Variants in PCCA observed in about 807,000 individuals in gnomAD.
PCCA encodes propionyl-CoA carboxylase alpha chain, mitochondrial.
In PCCA, 74 loss-of-function variants were observed where a neutral mutation model predicts 101.3. The observed-to-expected ratio is 0.73, with a 90% CI of 0.61 to 0.89. PCCA has a LOEUF of 0.89. Among genes scored for constraint, PCCA ranks in the 40% least tolerant of loss-of-function variants. PCCA has a pLI of 0.00. For synonymous variants in PCCA, 294 were observed against 313.6 expected, an observed-to-expected ratio of 0.94 and a Z score of 0.66; for missense variants, 891 against 907.0, an observed-to-expected ratio of 0.98 and a Z score of 0.23.
intron 20 of PCCA, among the ~76,000 whole-genome samples, chr13:100,434,531 C>A (rs2079786632): frequency 6.6e-6 from 1 of 152,078 alleles, no homozygotes; most frequent in Non-Finnish European, 1.5e-5. Context: ...CCAAAGCTGG[C>A]CGGTAGCCCT....
chr13:100,391,420 G>A (rs913424287), intron 19 of PCCA, among the ~76,000 whole-genome samples: 2 of 152,266 alleles, frequency 1.3e-5, no homozygotes, highest in African/African-American at 2.4e-5. Flanking sequence ...GGAAGTACGT[G>A]GAATGTTGTT....
intron 8 of PCCA, among the ~76,000 whole-genome samples, chr13:100,255,898 A>G (rs1251556401): frequency 6.6e-6 from 1 of 152,106 alleles, no homozygotes; most frequent in Non-Finnish European, 1.5e-5. Context: ...CTGTACTTCA[A>G]CTGAATTGTT....
intron 4 of PCCA, among the ~76,000 whole-genome samples, chr13:100,125,287 C>G (rs1262661932): frequency 6.6e-6 from 1 of 152,146 alleles, no homozygotes; most frequent in Non-Finnish European, 1.5e-5. Context: ...AGAAATATTT[C>G]CAGACATTTA....
At chr13:100,339,837 G>A (rs2071035936) in intron 17 of PCCA, among the ~76,000 whole-genome samples, 1 of 152,168 alleles carries the variant, frequency 6.6e-6, no homozygotes, top group Admixed American at 6.5e-5. Context: ...CAGATGTGAG[G>A]AGCTTATGCT....
intron 6 of PCCA, among the ~76,000 whole-genome samples, chr13:100,189,355 G>A (rs1477573540): frequency 1.3e-5 from 2 of 152,176 alleles, no homozygotes; most frequent in African/African-American, 4.8e-5. Flanking sequence ...ACATACGTGT[G>A]CATGTGTGTT....
chr13:100,208,228 G>T (rs1371802657), intron 6 of PCCA, among the ~76,000 whole-genome samples: 1 of 152,076 alleles, frequency 6.6e-6, no homozygotes, highest in African/African-American at 2.4e-5. Context: ...TGCTCGGGGT[G>T]GGTTTAATCC....
At position 100,368,371 on chromosome 13, in the gene PCCA, A is replaced by T. The variant is rs9585419; in HGVS notation, c.1644-101A>T. ...TTTAAAATGTTCGCAAATACATTCA[A>T]TGGCAGTTTTAGCCTGTGCATTTTA... On this transcript the variant is annotated intron_variant, in intron 18 of 23. Coordinates refer to ENST00000376285, the MANE Select transcript of PCCA (RefSeq NM_000282.4). The T allele has an allele frequency of 9.4e-3, 6,540 of 693,794 alleles. 309 individuals carry two copies. The African/African-American group carries it at 0.11, about 11-fold the overall frequency. The allele number at this position is 693,794 out of a possible 1,614,324, so 43.0% of individuals were successfully genotyped here. A position where few individuals can be genotyped will look rare whatever the true frequency, so the allele number is the denominator to read the frequency against.
intron 6 of PCCA, among the ~76,000 whole-genome samples, chr13:100,188,907 C>CT (rs2057529127): frequency 6.6e-6 from 1 of 150,564 alleles, no homozygotes; most frequent in African/African-American, 2.5e-5. Flanking sequence ...TTAAATTATA[C>CT]TTTAAGTTCT....
intron 4 of PCCA, among the ~76,000 whole-genome samples, chr13:100,139,409 AT>A (rs1434370604): frequency 2.0e-5 from 3 of 151,296 alleles, no homozygotes; most frequent in Non-Finnish European, 4.4e-5. Context: ...TCTCTTGTTA[AT>A]TTTTTCTACT....
chr13:100,173,161 A>G (rs1184905942), intron 6 of PCCA, among the ~76,000 whole-genome samples: 1 of 152,228 alleles, frequency 6.6e-6, no homozygotes, highest in Non-Finnish European at 1.5e-5. Context: ...TGGGAAAAAC[A>G]GGCAGGAGAG....
chr13:100,132,360 G>A (rs1382305579), intron 4 of PCCA, among the ~76,000 whole-genome samples: 1 of 65,300 alleles, frequency 1.5e-5, no homozygotes, highest in Non-Finnish European at 3.2e-5. Context: ...CCCTGACACT[G>A]GCAACCACGG....
intron 22 of PCCA, among the ~76,000 whole-genome samples, chr13:100,524,934 ATAGAT>A (rs1250170118): frequency 5.3e-5 from 8 of 151,944 alleles, no homozygotes; most frequent in African/African-American, 1.2e-4. Context: ...GATAGATAAA[ATAGAT>A]TAGATAGGAT....
chr13:100,146,727 T>C (rs917195312), intron 4 of PCCA, among the ~76,000 whole-genome samples: 1 of 152,068 alleles, frequency 6.6e-6, no homozygotes, highest in African/African-American at 2.4e-5. Context: ...AGATAAATCA[T>C]GTTCAGTGAT....
intron 4 of PCCA, among the ~76,000 whole-genome samples, chr13:100,153,615 C>T (rs1266008549): frequency 6.6e-6 from 1 of 152,016 alleles, no homozygotes; most frequent in Non-Finnish European, 1.5e-5. Context: ...GGCAATAGGG[C>T]AATAGAGGAG....
chr13:100,323,299 G>A (rs1228169289), intron 16 of PCCA, among the ~76,000 whole-genome samples: 1 of 152,086 alleles, frequency 6.6e-6, no homozygotes, highest in East Asian at 1.9e-4. Context: ...TGTAAACTCA[G>A]ATTTCAGGAG....
chr13:100,450,344 C>T (rs867949651), intron 21 of PCCA, among the ~76,000 whole-genome samples: 1 of 151,412 alleles, frequency 6.6e-6, no homozygotes, highest in South Asian at 2.1e-4. Context: ...CAGTGAGCCA[C>T]GATTGTGCCA....
At chr13:100,528,669 C>T (rs59996814) in intron 23 of PCCA, among the ~76,000 whole-genome samples, 4,276 of 152,264 alleles carry the variant, frequency 0.028, 213 homozygotes, top group African/African-American at 0.097. Flanking sequence ...CCCAGCCCGC[C>T]GGTCTGGAGG....
chr13:100,308,581 C>T (rs1036036152), intron 15 of PCCA, among the ~76,000 whole-genome samples: 4 of 152,116 alleles, frequency 2.6e-5, no homozygotes, highest in Admixed American at 6.5e-5. Flanking sequence ...CCGCCTCGGC[C>T]TCTCAAAGTG....
At chr13:100,155,357 CTAGGAAAAAAGAAATCCCAAT>C (rs1247911832) in intron 5 of PCCA, among the ~76,000 whole-genome samples, 1 of 152,136 alleles carries the variant, frequency 6.6e-6, no homozygotes, top group Non-Finnish European at 1.5e-5. Context: ...TCCAAATTTG[CTAGGAAAAAAGAAATCCCAAT>C]TAGTTTTGAG....
Sources: allele counts gnomAD v4.1 joint callset (sites outside exome capture counted in the v4.1 genomes callset), GRCh38; gene constraint gnomAD v4.1.1; transcripts MANE v1.5; gene names NCBI Gene and HGNC (gene_info 2026-07-23, HGNC 2026-07-21).